The following SLC24A4 variants were observed in gnomAD, a reference collection of about 807,000 sequenced individuals.
SLC24A4 encodes the protein sodium/potassium/calcium exchanger 4.
SLC24A4 carries 53 observed loss-of-function variants against 79.0 expected under a neutral mutation model. That is an observed-to-expected ratio of 0.67 (90% CI 0.54 to 0.84). The LOEUF (loss-of-function observed/expected upper bound fraction) is 0.84. SLC24A4 is among the 40% of genes least tolerant of loss of function. The probability of loss-of-function intolerance (pLI) is 0.00; values close to 1 mark genes in which losing one functional copy is unlikely to be tolerated. For synonymous variants in SLC24A4, 323 were observed against 323.8 expected, an observed-to-expected ratio of 1.00 and a Z score of 0.03; for missense variants, 731 against 822.0, an observed-to-expected ratio of 0.89 and a Z score of 1.35.
chr14:92,325,620 C>T (rs963497377), intron 1 of SLC24A4, among the ~76,000 whole-genome samples: 1 of 152,206 alleles, frequency 6.6e-6, no homozygotes, highest in Non-Finnish European at 1.5e-5. Context: ...GAGACCACCT[C>T]AGTCTTGGCC....
intron 13 of SLC24A4, among the ~76,000 whole-genome samples, chr14:92,483,457 C>G (rs1221260111): frequency 6.6e-6 from 1 of 152,196 alleles, no homozygotes; most frequent in Non-Finnish European, 1.5e-5. Flanking sequence ...GATTAGGACC[C>G]AGGTATTGAT....
chr14:92,420,445 CT>C (rs1891214488), intron 2 of SLC24A4, among the ~76,000 whole-genome samples: 1 of 152,000 alleles, frequency 6.6e-6, no homozygotes, highest in South Asian at 2.1e-4. Flanking sequence ...TGCCACTGCA[CT>C]CCAGCCTGGC....
chr14:92,440,362 C>A (rs1237318782), intron 4 of SLC24A4, among the ~76,000 whole-genome samples: 1 of 152,158 alleles, frequency 6.6e-6, no homozygotes, highest in Non-Finnish European at 1.5e-5. Context: ...GAAATGCCCA[C>A]TGGGATGATC....
chr14:92,445,820 T>C (rs79321032), intron 8 of SLC24A4, among the ~76,000 whole-genome samples: 2,174 of 152,306 alleles, frequency 0.014, 56 homozygotes, highest in African/African-American at 0.05. Flanking sequence ...AAGATATTAC[T>C]GTAAAACTGA....
chr14:92,389,135 A>G (rs139405265), intron 2 of SLC24A4, among the ~76,000 whole-genome samples: 196 of 152,244 alleles, frequency 1.3e-3, no homozygotes, highest in African/African-American at 4.6e-3. Flanking sequence ...TTGAACTTGG[A>G]TGATGGATGC....
chr14:92,376,744 A>G (rs1006816138), intron 2 of SLC24A4, among the ~76,000 whole-genome samples: 1 of 152,202 alleles, frequency 6.6e-6, no homozygotes, highest in Non-Finnish European at 1.5e-5. Flanking sequence ...CCTGGAATCA[A>G]ACTCCAAGGC....
At chr14:92,427,265 C>T (rs551171405) in intron 2 of SLC24A4, among the ~76,000 whole-genome samples, 4 of 152,252 alleles carry the variant, frequency 2.6e-5, no homozygotes, top group Admixed American at 1.3e-4. Flanking sequence ...GAAGTACATT[C>T]ACTCCATAGG....
chr14:92,431,721 G>A (rs1051218292), intron 2 of SLC24A4, among the ~76,000 whole-genome samples: 2 of 152,278 alleles, frequency 1.3e-5, no homozygotes, highest in East Asian at 3.9e-4. Flanking sequence ...TGCACACAGG[G>A]GTGCAAAGCA....
At chr14:92,428,051 G>A (rs4421914) in intron 2 of SLC24A4, among the ~76,000 whole-genome samples, 105,048 of 152,088 alleles carry the variant, frequency 0.69, 36,776 homozygotes, top group East Asian at 0.94. Context: ...CCAGAACTGT[G>A]AGAAATAAAT....
intron 2 of SLC24A4, among the ~76,000 whole-genome samples, chr14:92,354,912 A>G (rs1168332645): frequency 6.6e-6 from 1 of 152,160 alleles, no homozygotes; most frequent in Admixed American, 6.6e-5. Context: ...CATCTCTACT[A>G]AAAATACAAA....
At chr14:92,454,803 A>G (rs1038407601) in intron 11 of SLC24A4, among the ~76,000 whole-genome samples, 3 of 152,384 alleles carry the variant, frequency 2.0e-5, no homozygotes, top group African/African-American at 7.2e-5. Context: ...TGTAGAAAGT[A>G]TATTAAGAAA....
intron 12 of SLC24A4, among the ~76,000 whole-genome samples, chr14:92,472,242 C>A (rs1894475442): frequency 6.6e-6 from 1 of 152,068 alleles, no homozygotes; most frequent in Admixed American, 6.5e-5. Context: ...TTATTCAGTT[C>A]TCTTTTTTTA....
At chr14:92,372,672 G>A (rs1320598247) in intron 2 of SLC24A4, among the ~76,000 whole-genome samples, 3 of 152,104 alleles carry the variant, frequency 2.0e-5, no homozygotes, top group Non-Finnish European at 4.4e-5. Context: ...TCCAGAATCG[G>A]AGGATCTAGC....
intron 9 of SLC24A4, among the ~76,000 whole-genome samples, chr14:92,447,964 C>A (rs750246082): frequency 2.0e-5 from 3 of 152,146 alleles, no homozygotes; most frequent in Non-Finnish European, 4.4e-5. Context: ...CTCAAAACTA[C>A]CCATGAGGAA....
intron 2 of SLC24A4, among the ~76,000 whole-genome samples, chr14:92,379,393 G>A (rs1433546329): frequency 6.6e-6 from 1 of 152,174 alleles, no homozygotes; most frequent in East Asian, 1.9e-4. Context: ...GTTCTGCTCA[G>A]AACTCAAAGG....
At chr14:92,390,596 T>C (rs994300738) in intron 2 of SLC24A4, among the ~76,000 whole-genome samples, 1 of 152,200 alleles carries the variant, frequency 6.6e-6, no homozygotes, top group Non-Finnish European at 1.5e-5. Flanking sequence ...GGAAACATCC[T>C]CTGTGACTGT....
intron 4 of SLC24A4, among the ~76,000 whole-genome samples, chr14:92,440,893 G>A (rs541380165): frequency 9.2e-5 from 14 of 151,964 alleles, no homozygotes; most frequent in South Asian, 4.2e-4. Flanking sequence ...CATCCCAGGC[G>A]GAAGGAATGG....
At position 92,371,807 on chromosome 14, in the gene SLC24A4, G is replaced by A. The variant is rs143495157; in HGVS notation, c.241+45829G>A. ...TGATGGCAGAATAAAGACATTTTGA[G>A]CATAGCAAACACTCATTAGGTCTGT... On this transcript the variant is annotated intron_variant, in intron 2 of 16. Coordinates refer to ENST00000532405, the MANE Select transcript of SLC24A4 (RefSeq NM_153646.4). Among the ~76,000 whole-genome samples the A allele has an allele frequency of 8.5e-5, 13 of 152,354 alleles. No individual in the cohort carries two copies. In the East Asian group the frequency reaches 1.9e-3, roughly 23 times the overall value.
At chr14:92,446,482 C>T (rs115289844) in intron 8 of SLC24A4, among the ~76,000 whole-genome samples, 1,870 of 152,300 alleles carry the variant, frequency 0.012, 41 homozygotes, top group African/African-American at 0.042. Flanking sequence ...CCGAGGACAT[C>T]AGCCACCTGC....
Sources: allele counts gnomAD v4.1 joint callset (sites outside exome capture counted in the v4.1 genomes callset), GRCh38; gene constraint gnomAD v4.1.1; transcripts MANE v1.5; gene names NCBI Gene and HGNC (gene_info 2026-07-23, HGNC 2026-07-21).